GCSAML: variants seen among roughly 807,000 people sequenced by gnomAD.
GCSAML encodes the protein germinal center-associated signaling and motility-like protein.
GCSAML carries 9 observed loss-of-function variants against 13.0 expected under a neutral mutation model. The ratio of observed to expected loss-of-function variants is 0.69; its 90% CI spans 0.42 to 1.21. The LOEUF is 1.21. GCSAML is among the 50% of genes most tolerant of loss of function. The pLI, the probability that GCSAML is intolerant of heterozygous loss-of-function variation, is 0.00. For synonymous variants in GCSAML, 37 were observed against 52.9 expected (o/e 0.70, Z 1.31); for missense variants, 143 against 153.4 (o/e 0.93, Z 0.36).
rs377057956 is a variant in GCSAML, at chr1:247,513,542, C to T, written c.-263+6309C>T. On this transcript the variant is annotated intron_variant, in intron 1 of 5. Transcript: ENST00000366489. ...AGTTCTGTCTTGCTGGCATTCCAGG[C>T]GCCACTTGTGTATGGAAAAAGACTC... Among the ~76,000 whole-genome samples, 252 of 152,308 alleles carry T rather than the reference C, an allele frequency of 1.7e-3. 1 individual carries two copies. The highest frequency in any genetic ancestry group is 5.7e-3 in the African/African-American group (239 of 41,572).
Position 247,532,348 on chromosome 1 carries a change from T to C in GCSAML, c.-148+5294T>C. ...AAAGAAGTACATAGGTGTGTGGAGG[T>C]GCACATCTGTATGGGAGACCAGAAT... On this transcript the variant is annotated intron_variant, in intron 2 of 5. Transcript: ENST00000366489. The C allele has an allele frequency of 1.9e-6, 3 of 1,613,868 alleles. No homozygotes were observed. The South Asian group carries it at 3.3e-5, about 18-fold the overall frequency.
intron 1 of GCSAML, among the ~76,000 whole-genome samples, chr1:247,554,286 A>G (rs1313440926): frequency 6.6e-6 from 1 of 152,198 alleles, no homozygotes; most frequent in Non-Finnish European, 1.5e-5. Context: ...TGTTTATTAT[A>G]CATAATTCTT....
chr1:247,518,954 A>C (rs1666320437), intron 1 of GCSAML, among the ~76,000 whole-genome samples: 1 of 151,966 alleles, frequency 6.6e-6, no homozygotes, highest in East Asian at 1.9e-4. Flanking sequence ...ACACCACTGC[A>C]CTCCAGCCTG....
intron 1 of GCSAML, among the ~76,000 whole-genome samples, chr1:247,521,765 C>T (rs1666440198): frequency 6.6e-6 from 1 of 152,190 alleles, no homozygotes; most frequent in Non-Finnish European, 1.5e-5. Flanking sequence ...CTTGGCCTCC[C>T]AAAGTGCCGA....
At chr1:247,511,601 T>C (rs905150790) in intron 1 of GCSAML, among the ~76,000 whole-genome samples, 7 of 152,244 alleles carry the variant, frequency 4.6e-5, no homozygotes, top group Non-Finnish European at 1.0e-4. Context: ...CTGAGCAGTT[T>C]CTTTATAGTG....
rs755604291 is a variant in GCSAML at position 247,577,053 on chromosome 1, G to A, written c.*2671G>A. 6.6e-6 allele frequency: 1 copy of A among 152,124 alleles called. No homozygotes were observed. 9.4% of individuals were successfully genotyped at this position (152,124 alleles called of 1,614,324 possible). A position where few individuals can be genotyped will look rare whatever the true frequency, so the allele number is the denominator to read the frequency against. On this transcript the variant is annotated 3_prime_UTR_variant, in exon 5 of 5. Coordinates refer to ENST00000366488, the MANE Select transcript of GCSAML (RefSeq NM_145278.5). ...CCACAGCAGATGTCTTAATCTTTCC[G>A]AGATCTAGTTTTTCAGCAAAGCAGG... is the stretch of plus-strand genomic sequence containing the variant.
At chr1:247,532,375 A>G in intron 2 of GCSAML, 1 of 1,614,194 alleles carries the variant, frequency 6.2e-7, no homozygotes, top group Non-Finnish European at 8.5e-7. Flanking sequence ...GACCAGAATG[A>G]TGATGCCATT....
rs74152617 is a variant in GCSAML, at chr1:247,527,267, G to A, written c.-148+213G>A. 1 of 343,170 alleles carries A rather than the reference G, an allele frequency of 2.9e-6. No individual in the cohort carries two copies. Among genetic ancestry groups the A allele is most frequent in the African/African-American group, 2.1e-5 (1 of 46,552 alleles). 21.3% of individuals were successfully genotyped at this position (343,170 alleles called of 1,614,324 possible). A position where few individuals can be genotyped will look rare whatever the true frequency, so the allele number is the denominator to read the frequency against. ...GGGCAAAGCACAGTGCTGTCCTCATGGTTCTGGGAGGGTCTGCGTTGTCTG... is the reference window on the plus strand; with the variant it reads ...GGGCAAAGCACAGTGCTGTCCTCATAGTTCTGGGAGGGTCTGCGTTGTCTG... On this transcript the variant is annotated intron_variant, in intron 2 of 5. Transcript: ENST00000366489. This position sits in a 1 kb window ranked among gnomAD's most constrained non-coding sequence, Gnocchi z 4.6.
At chr1:247,546,037 T>C (rs74935184), upstream of GCSAML, among the ~76,000 whole-genome samples, 1 of 152,190 alleles carries the variant, frequency 6.6e-6, no homozygotes, top group East Asian at 1.9e-4. Context: ...GTGGTGATGG[T>C]AGCATAAATG....
At chr1:247,538,962 G>C (rs1034601659) in intron 2 of GCSAML, among the ~76,000 whole-genome samples, 1 of 152,174 alleles carries the variant, frequency 6.6e-6, no homozygotes, top group East Asian at 1.9e-4. Context: ...CTTCTCAGTT[G>C]ATGACAACTG....
chr1:247,517,413 CA>C (rs1197225407), intron 1 of GCSAML, among the ~76,000 whole-genome samples: 1 of 151,802 alleles, frequency 6.6e-6, no homozygotes, highest in African/African-American at 2.4e-5. Context: ...ATCACTGGAA[CA>C]AAAAAATGTA....
At chr1:247,523,164 C>A (rs1164231415) in intron 1 of GCSAML, among the ~76,000 whole-genome samples, 2 of 152,164 alleles carry the variant, frequency 1.3e-5, no homozygotes, top group Non-Finnish European at 2.9e-5. Flanking sequence ...CCCCTTCAAC[C>A]TATATACACT....
intron 4 of GCSAML, among the ~76,000 whole-genome samples, chr1:247,573,252 T>C (rs1445437290): frequency 6.6e-6 from 1 of 152,180 alleles, no homozygotes; most frequent in Non-Finnish European, 1.5e-5. Context: ...TGGTGTCTGC[T>C]CAAATGGCCA....
At chr1:247,570,723 T>C (rs1401532015) in intron 4 of GCSAML, among the ~76,000 whole-genome samples, 1 of 152,160 alleles carries the variant, frequency 6.6e-6, no homozygotes, top group Non-Finnish European at 1.5e-5. Context: ...GTTTATTTGG[T>C]CCACTTGGTC....
At chr1:247,571,906 A>G (rs1460976813) in intron 4 of GCSAML, among the ~76,000 whole-genome samples, 7 of 149,604 alleles carry the variant, frequency 4.7e-5, no homozygotes, top group African/African-American at 1.7e-4. Context: ...GTTCCTTTTC[A>G]TTTTTTTTTC....
At chr1:247,542,018 A>G (rs111266053) in intron 2 of GCSAML, among the ~76,000 whole-genome samples, 1 of 147,404 alleles carries the variant, frequency 6.8e-6, no homozygotes, top group African/African-American at 2.7e-5. Flanking sequence ...TCAAAAAAAA[A>G]GAAAAAAAAA....
At chr1:247,551,099 A>G (rs1667762651) in intron 1 of GCSAML, among the ~76,000 whole-genome samples, 1 of 152,190 alleles carries the variant, frequency 6.6e-6, no homozygotes, top group Middle Eastern at 3.2e-3. Context: ...ATTACACCAC[A>G]ATGGCTTCTT....
At chr1:247,533,139 TCCTGCCACTCTGGCCCATCTTG>T (rs1667075216) in intron 2 of GCSAML, among the ~76,000 whole-genome samples, 1 of 152,148 alleles carries the variant, frequency 6.6e-6, no homozygotes, top group Admixed American at 6.6e-5. Context: ...CCACCCCTGC[TCCTGCCACTCTGGCCCATCTTG>T]CCATCATTTA....
upstream of GCSAML, among the ~76,000 whole-genome samples, chr1:247,546,110 A>G (rs750919093): frequency 1.1e-4 from 16 of 151,300 alleles, no homozygotes; most frequent in Admixed American, 2.0e-4. Context: ...TTTTATATCA[A>G]TATATCAACA....
Sources: gnomAD v4.1 joint callset for allele counts (sites outside exome capture counted in the v4.1 genomes callset) on GRCh38, gnomAD v4.1.1 for gene constraint, Gnocchi (gnomAD v3.1) non-coding constraint, MANE v1.5 for transcripts, NCBI Gene and HGNC (gene_info 2026-07-23, HGNC 2026-07-21) for gene names.